IL1RAPL2: variants seen among roughly 807,000 people sequenced by gnomAD.
IL1RAPL2 encodes the protein X-linked interleukin-1 receptor accessory protein-like 2.
Under a neutral mutation model 44.1 loss-of-function variants are expected in IL1RAPL2, and 3 were observed. The ratio of observed to expected loss-of-function variants is 0.07; its 90% confidence interval spans 0.03 to 0.18. The LOEUF (loss-of-function observed/expected upper bound fraction) is 0.18. IL1RAPL2 is among the 10% of genes least tolerant of loss of function. The pLI is 1.00. For missense variants in IL1RAPL2, 391 were observed against 496.4 expected, an observed-to-expected ratio of 0.79 and a Z score of 2.02; for synonymous variants, 181 against 178.8, an observed-to-expected ratio of 1.01 and a Z score of -0.10.
chrX:104,968,979 C>CTGTGTGTGTGTGTGTGTGTGTG (rs35842489), intron 2 of IL1RAPL2, among the ~76,000 whole-genome samples: 6 of 82,048 alleles, frequency 7.3e-5, no homozygotes, highest in African/African-American at 2.7e-4. Flanking sequence ...TTGCCTTTTG[C>CTGTGTGTGTGTGTGTGTGTGTG]TGTGTGTGTG....
chrX:105,438,355 C>T (rs908689384), intron 5 of IL1RAPL2, among the ~76,000 whole-genome samples: 4 of 110,982 alleles, frequency 3.6e-5, no homozygotes, highest in African/African-American at 1.3e-4. Flanking sequence ...TATAAGATCC[C>T]GAAGCACCCA....
At chrX:105,684,814 C>T (rs1219218768) in intron 6 of IL1RAPL2, among the ~76,000 whole-genome samples, 1 of 105,729 alleles carries the variant, frequency 9.5e-6, no homozygotes, top group Non-Finnish European at 2.0e-5. Flanking sequence ...CAGCTGCCCT[C>T]TGGGATGAAG....
At chrX:104,896,204 G>A (rs761144097) in intron 2 of IL1RAPL2, among the ~76,000 whole-genome samples, 15 of 111,809 alleles carry the variant, frequency 1.3e-4, no homozygotes, top group East Asian at 2.8e-4. Context: ...GCTATTACTC[G>A]CCTTCAGGCT....
chrX:104,651,857 A>G (rs1240941987), intron 1 of IL1RAPL2, among the ~76,000 whole-genome samples: 1 of 111,665 alleles, frequency 9.0e-6, no homozygotes, highest in East Asian at 2.8e-4. Flanking sequence ...GATCTGGCAG[A>G]TAAGGTCTAT....
rs147270881 is a variant in IL1RAPL2, at chrX:105,459,270, C to G, written c.698-25043C>G. Among the ~76,000 whole-genome samples the G allele has an allele frequency of 2.1e-3, 233 of 110,544 alleles. 2 individuals are homozygous for G. The highest frequency in any genetic ancestry group is 7.2e-3 in the African/African-American group (219 of 30,483). The stretch of plus-strand genomic sequence containing the variant: ...TTTGTGTGCATGTGTGTGTGTGTGT[C>G]TCTGTGTGCATGTGCGTCCATCTGC... On this transcript the variant is annotated intron_variant, in intron 5 of 10. Coordinates refer to ENST00000372582, the MANE Select transcript of IL1RAPL2 (RefSeq NM_017416.2).
At chrX:104,667,268 A>T (rs1348445813) in intron 2 of IL1RAPL2, among the ~76,000 whole-genome samples, 1 of 111,985 alleles carries the variant, frequency 8.9e-6, no homozygotes, top group Non-Finnish European at 1.9e-5. Context: ...TGTCTTAGAA[A>T]TAGGGCATTT....
At chrX:104,950,683 TTTTGTTTG>T (rs200154611) in intron 2 of IL1RAPL2, among the ~76,000 whole-genome samples, 2 of 107,222 alleles carry the variant, frequency 1.9e-5, no homozygotes, top group East Asian at 6.0e-4. Flanking sequence ...GTGAGCTGTT[TTTTGTTTG>T]TTTGTTTGTT....
intron 5 of IL1RAPL2, among the ~76,000 whole-genome samples, chrX:105,320,364 A>G (rs2034888007): frequency 8.9e-6 from 1 of 111,792 alleles, no homozygotes; most frequent in Admixed American, 9.5e-5. Flanking sequence ...TAGTTACTTC[A>G]CTAACTGGGT....
At chrX:104,573,707 G>A (rs1054678477) in intron 1 of IL1RAPL2, among the ~76,000 whole-genome samples, 1 of 112,159 alleles carries the variant, frequency 8.9e-6, no homozygotes, top group African/African-American at 3.2e-5. Flanking sequence ...GATCTATCAC[G>A]TATAACTTAT....
At chrX:104,610,720 T>C (rs895990424) in intron 1 of IL1RAPL2, among the ~76,000 whole-genome samples, 2 of 111,562 alleles carry the variant, frequency 1.8e-5, no homozygotes, top group African/African-American at 6.5e-5. Context: ...AATTTATAGA[T>C]TCAATGCGAT....
At chrX:105,308,243 A>G (rs1438547093) in intron 5 of IL1RAPL2, among the ~76,000 whole-genome samples, 5 of 111,645 alleles carry the variant, frequency 4.5e-5, no homozygotes, top group African/African-American at 1.6e-4. Flanking sequence ...ACATTTACTC[A>G]TTTGTTTAAG....
intron 2 of IL1RAPL2, among the ~76,000 whole-genome samples, chrX:104,946,265 C>T (rs1341348116): frequency 2.1e-5 from 2 of 96,682 alleles, no homozygotes; most frequent in South Asian, 5.3e-4. Flanking sequence ...CCCAGCTACT[C>T]GGGAGGCTGA....
chrX:105,312,101 T>C lies in IL1RAPL2; in HGVS notation c.697+44560T>C, dbSNP rs2034802426. Among the ~76,000 whole-genome samples, 3 of 111,737 alleles carry C rather than the reference T, an allele frequency of 2.7e-5. No individual in the cohort carries two copies. In the Admixed American group the frequency reaches 2.9e-4, roughly 11 times the overall value. On this transcript the variant is annotated intron_variant, in intron 5 of 10. Transcript: ENST00000372582. ...TCTAGTAAAATGACTACCTGAATCT[T>C]AGTTATTCCCTTAATACCTGGGCAG...
intron 2 of IL1RAPL2, among the ~76,000 whole-genome samples, chrX:104,783,137 C>G (rs1932782884): frequency 8.9e-6 from 1 of 111,833 alleles, no homozygotes; most frequent in African/African-American, 3.2e-5. Context: ...AACATAGAAG[C>G]AGTAGAAAAT....
chrX:105,647,551 G>T (rs945394902), intron 6 of IL1RAPL2, among the ~76,000 whole-genome samples: 1 of 111,724 alleles, frequency 9.0e-6, no homozygotes, highest in Non-Finnish European at 1.9e-5. Context: ...TACAAACCCC[G>T]TGTTTAAAGG....
intron 2 of IL1RAPL2, among the ~76,000 whole-genome samples, chrX:104,895,874 A>G (rs1923628408): frequency 9.0e-6 from 1 of 111,106 alleles, no homozygotes; most frequent in Non-Finnish European, 1.9e-5. Flanking sequence ...CTTCTGCGTC[A>G]CTCACACTGG....
intron 6 of IL1RAPL2, among the ~76,000 whole-genome samples, chrX:105,621,124 C>A (rs758749001): frequency 9.0e-6 from 1 of 111,456 alleles, no homozygotes; most frequent in Non-Finnish European, 1.9e-5. Flanking sequence ...AGTTTCTCTT[C>A]TTCTATCACT....
intron 2 of IL1RAPL2, among the ~76,000 whole-genome samples, chrX:104,875,805 C>T (rs1357311128): frequency 8.9e-6 from 1 of 111,839 alleles, no homozygotes; most frequent in Non-Finnish European, 1.9e-5. Context: ...TATTTTTCTA[C>T]TTAGCACATA....
intron 2 of IL1RAPL2, among the ~76,000 whole-genome samples, chrX:105,044,708 T>C (rs2031814002): frequency 9.0e-6 from 1 of 111,668 alleles, no homozygotes; most frequent in Admixed American, 9.6e-5. Context: ...GACCCCTAGA[T>C]ATCTTTCCCA....
Sources: gnomAD v4.1 joint callset for allele counts (sites outside exome capture counted in the v4.1 genomes callset) on GRCh38, gnomAD v4.1.1 for gene constraint, MANE v1.5 for transcripts, NCBI Gene and HGNC (gene_info 2026-07-23, HGNC 2026-07-21) for gene names.